Variants in PTPN7 observed in about 807,000 individuals in gnomAD.
PTPN7 encodes tyrosine-protein phosphatase non-receptor type 7.
Under a neutral mutation model 50.3 loss-of-function variants are expected in PTPN7, and 33 were observed. That is an observed-to-expected ratio of 0.66 (90% CI 0.50 to 0.88). The LOEUF (loss-of-function observed/expected upper bound fraction) is 0.88, where lower values mean the gene tolerates loss of function less well. Ranked by LOEUF, PTPN7 falls within the 40% of genes least tolerant of loss-of-function variation. The pLI is 0.00. For synonymous variants in PTPN7, 185 were observed against 186.6 expected, an observed-to-expected ratio of 0.99 and a Z score of 0.07; for missense variants, 412 against 475.4, an observed-to-expected ratio of 0.87 and a Z score of 1.24.
intron 8 of PTPN7, among the ~76,000 whole-genome samples, chr1:202,151,781 T>G (rs993878625): frequency 6.6e-6 from 1 of 152,016 alleles, no homozygotes; most frequent in Non-Finnish European, 1.5e-5. Flanking sequence ...CCTCCCAAAG[T>G]GCTGAGATTA....
At chr1:202,150,140 T>C (rs1655810572) in intron 9 of PTPN7, 171 bp downstream of exon 9, 4 of 593,300 alleles carry the variant, frequency 6.7e-6, no homozygotes, top group Non-Finnish European at 1.2e-5. Context: ...GCCATCCAGA[T>C]AGATATTTTT....
intron 4 of PTPN7, 41 bp from the exon 5 acceptor site, chr1:202,155,650 G>A (rs764929633): frequency 1.7e-5 from 25 of 1,495,732 alleles, no homozygotes; most frequent in Non-Finnish European, 2.3e-5. Context: ...GTCAGAAGGT[G>A]ACCAACTAAC....
intron 7 of PTPN7, among the ~76,000 whole-genome samples, 197 bp from the exon 8 acceptor site, chr1:202,152,896 C>T (rs892407102): frequency 6.6e-6 from 1 of 152,166 alleles, no homozygotes; most frequent in Non-Finnish European, 1.5e-5. Context: ...GAGCATTGTC[C>T]TGGGAGAGGG....
intron 7 of PTPN7, 24 bp from the exon 8 acceptor site, chr1:202,152,723 A>G (rs910026687): frequency 6.2e-7 from 1 of 1,612,244 alleles, no homozygotes; most frequent in African/African-American, 1.3e-5. Context: ...AAGGCATGAG[A>G]ACCAAGGTCA....
intron 8 of PTPN7, among the ~76,000 whole-genome samples, chr1:202,152,222 T>C (rs911507805): frequency 6.6e-5 from 10 of 152,188 alleles, no homozygotes; most frequent in African/African-American, 2.4e-4. Context: ...ATAATAGGAT[T>C]TTCAATACAT....
Position 202,159,827 on chromosome 1 carries a change from G to C in PTPN7, c.-52-373C>G. On this transcript the variant is annotated intron_variant, in intron 1 of 9. Coordinates refer to ENST00000691036, the MANE Select transcript of PTPN7 (RefSeq NM_002832.4). The surrounding 1 kb of genome is among the most constrained non-coding windows in gnomAD (Gnocchi z 4.6). ...TGTTCTCTAGGACGGAAGGGAGAAA[G>C]CACGCAGAAGCCATCTCTGAGCTAA... 1 of 1,113,344 alleles carries C rather than the reference G, an allele frequency of 9.0e-7. No individual in the cohort carries two copies. Among genetic ancestry groups the C allele is most frequent in the Non-Finnish European group, 1.1e-6 (1 of 910,522 alleles). 69.0% of individuals were successfully genotyped at this position (1,113,344 alleles called of 1,614,324 possible). A position where few individuals can be genotyped will look rare whatever the true frequency, so the allele number is the denominator to read the frequency against.
chr1:202,148,403 G>T lies in PTPN7; in HGVS notation c.*203C>A. The T allele has an allele frequency of 2.0e-6, 1 of 501,318 alleles. No homozygotes were observed. The highest frequency in any genetic ancestry group is 3.6e-6 in the Non-Finnish European group (1 of 280,688). The allele number at this position is 501,318 out of a possible 1,614,324, so 31.1% of individuals were successfully genotyped here. ...ATCTGGGGCCAACAGAGGAAGCAGAGGAGTGGCCAGTGTTGAAGACCTGGA... is the reference window on the plus strand; with the variant it reads ...ATCTGGGGCCAACAGAGGAAGCAGATGAGTGGCCAGTGTTGAAGACCTGGA... On this transcript the variant is annotated 3_prime_UTR_variant, in exon 10 of 10. Transcript: ENST00000691036.
In PTPN7 at chr1:202,158,263, G is replaced by A; in HGVS notation, c.161C>T (p.Ser54Phe). 6.2e-7 allele frequency: 1 copy of A among 1,614,112 alleles called. No individual in the cohort carries two copies. Among genetic ancestry groups the A allele is most frequent in the Non-Finnish European group, 8.5e-7 (1 of 1,180,014 alleles). ...SNVALMLDVR[S>F]LGAVEPICSV... ...GCAGATGGGTTCTACGGCCCCCAGGGACCGAACGTCCAGCATCAGAGCCAC... is the reference window on the plus strand; with the variant it reads ...GCAGATGGGTTCTACGGCCCCCAGGAACCGAACGTCCAGCATCAGAGCCAC... The change falls in exon 3 of 10, where the codon TCC (serine) becomes TTC (phenylalanine). Residue 54 changes from serine (S) to phenylalanine (F), a missense_variant. Ser to Phe is a radical substitution (Grantham distance 155). Coordinates refer to ENST00000691036, the MANE Select transcript of PTPN7 (RefSeq NM_002832.4).
At chr1:202,152,165 C>A (rs553676401) in intron 8 of PTPN7, among the ~76,000 whole-genome samples, 15 of 152,342 alleles carry the variant, frequency 9.8e-5, no homozygotes, top group Admixed American at 7.8e-4. Flanking sequence ...CCAGCCCTGG[C>A]GTCCCAAAGT....
At chr1:202,156,410 C>T (rs1441483989) in intron 4 of PTPN7, among the ~76,000 whole-genome samples, 2 of 152,178 alleles carry the variant, frequency 1.3e-5, no homozygotes, top group Non-Finnish European at 2.9e-5. Context: ...TATCACATAG[C>T]TGTGAAGTGG....
chr1:202,156,596 C>T (rs1656684787), intron 4 of PTPN7, among the ~76,000 whole-genome samples: 1 of 152,188 alleles, frequency 6.6e-6, no homozygotes, highest in Non-Finnish European at 1.5e-5. Flanking sequence ...CCCTGGGGAC[C>T]AGGGGAATCT....
Position 202,154,290 on chromosome 1 carries a change from T to A in PTPN7, c.502A>T (p.Thr168Ser), listed in dbSNP as rs750184201. Residue 168 changes from threonine to serine, a missense_variant, in exon 6 of 10, where the codon ACC becomes TCC. Thr to Ser is a moderately conservative substitution (Grantham distance 58). Transcript: ENST00000691036. ...ACAGTGTTGGGCATGGGGCCCTGGGTGGCAATGTAGACCTTCTCCTTCCCG... is the reference window on the plus strand; with the variant it reads ...ACAGTGTTGGGCATGGGGCCCTGGGAGGCAATGTAGACCTTCTCCTTCCCG... ...YDGKEKVYIA[T>S]QGPMPNTVSD... The A allele has an allele frequency of 6.2e-7, 1 of 1,613,868 alleles. No individual in the cohort carries two copies. The highest frequency in any genetic ancestry group is 8.5e-7 in the Non-Finnish European group (1 of 1,179,938).
chr1:202,159,861 C>T lies in PTPN7; in HGVS notation c.-52-407G>A, dbSNP rs998933562. On this transcript the variant is annotated intron_variant, in intron 1 of 9. Transcript: ENST00000691036. This position sits in a 1 kb window ranked among gnomAD's most constrained non-coding sequence, Gnocchi z 4.6. ...AGCCATCTCTGAGCTAACCAGTGGG[C>T]CTTCCCCTGAACAGAGAATGGAGGC... 2 of 1,052,372 alleles carry T rather than the reference C, an allele frequency of 1.9e-6. No homozygotes were observed. The highest frequency in any genetic ancestry group is 2.3e-6 in the Non-Finnish European group (2 of 872,052). The allele number at this position is 1,052,372 out of a possible 1,614,324, so 65.2% of individuals were successfully genotyped here.
chr1:202,149,341 C>T (rs1485910313), intron 9 of PTPN7, among the ~76,000 whole-genome samples: 11 of 152,172 alleles, frequency 7.2e-5, no homozygotes, highest in Non-Finnish European at 1.6e-4. Context: ...CAGGAATACT[C>T]CTGAGCCTCA....
At chr1:202,150,008 T>A (rs1444737447) in intron 9 of PTPN7, 2 of 216,592 alleles carry the variant, frequency 9.2e-6, no homozygotes, top group African/African-American at 2.2e-5. Flanking sequence ...ATTTTTGTAT[T>A]TTTAGTAGAG....
Position 202,160,008 on chromosome 1 carries a change from C to A in PTPN7, c.-53+537G>T. The A allele has an allele frequency of 1.0e-6, 1 of 997,474 alleles. No individual in the cohort carries two copies. The highest frequency in any genetic ancestry group is 1.2e-6 in the Non-Finnish European group (1 of 836,504). 61.8% of individuals were successfully genotyped at this position (997,474 alleles called of 1,614,324 possible). On this transcript the variant is annotated intron_variant, in intron 1 of 9. Coordinates refer to ENST00000691036, the MANE Select transcript of PTPN7 (RefSeq NM_002832.4). This position sits in a 1 kb window ranked among gnomAD's most constrained non-coding sequence, Gnocchi z 4.8. ...TGTTTCTGGCTTCTGGGGTCTCTGTCCAGGGAGGTAGGCTGGAGGTGTTTC... is the reference window on the plus strand; with the variant it reads ...TGTTTCTGGCTTCTGGGGTCTCTGTACAGGGAGGTAGGCTGGAGGTGTTTC...
chr1:202,158,013 G>A (rs1557977827), intron 3 of PTPN7, 105 bp downstream of exon 3: 8 of 1,402,900 alleles, frequency 5.7e-6, no homozygotes, highest in Non-Finnish European at 7.7e-6. Flanking sequence ...TTTCCTAAGG[G>A]GCCCAAAGGG....
upstream of PTPN7, chr1:202,161,398 A>G (rs1436880510): frequency 1.6e-6 from 2 of 1,280,710 alleles, no homozygotes; most frequent in Admixed American, 2.4e-5. Flanking sequence ...GACAGTGGAC[A>G]GTCTCTGGCC....
chr1:202,159,501 G>A lies in PTPN7; in HGVS notation c.-52-47C>T. 1.3e-6 allele frequency: 2 copies of A among 1,580,812 alleles called. No individual in the cohort carries two copies. Among genetic ancestry groups the A allele is most frequent in the Non-Finnish European group, 8.6e-7 (1 of 1,159,226 alleles). Reference sequence around the variant, plus strand: ...TGCTGTTCTCTGGCCTGCCTGATTGGCCAGAAGGAGGCTCCCATGCCAGGC... The same window carrying A: ...TGCTGTTCTCTGGCCTGCCTGATTGACCAGAAGGAGGCTCCCATGCCAGGC... On this transcript the variant is annotated intron_variant, in intron 1 of 9. Coordinates refer to ENST00000691036, the MANE Select transcript of PTPN7 (RefSeq NM_002832.4). This position sits in a 1 kb window ranked among gnomAD's most constrained non-coding sequence, Gnocchi z 4.6.
Sources: gnomAD v4.1 joint callset for allele counts (sites outside exome capture counted in the v4.1 genomes callset) on GRCh38, gnomAD v4.1.1 for gene constraint, Gnocchi (gnomAD v3.1) non-coding constraint, MANE v1.5 for transcripts, NCBI Gene and HGNC (gene_info 2026-07-23, HGNC 2026-07-21) for gene names.